Variants in ST6GAL1 observed in about 807,000 individuals in gnomAD.
ST6GAL1 encodes ST6 beta-galactoside alpha-2,6-sialyltransferase 1.
A neutral mutation model predicts 38.0 loss-of-function variants in ST6GAL1; 20 were observed. That is an observed-to-expected ratio of 0.53 (90% CI 0.37 to 0.77). The LOEUF (loss-of-function observed/expected upper bound fraction) is 0.77, where lower values mean the gene tolerates loss of function less well. ST6GAL1 is among the 30% of genes least tolerant of loss of function. The pLI is 0.00. For synonymous variants in ST6GAL1, 196 were observed against 188.2 expected (o/e 1.04, Z -0.34); for missense variants, 432 against 496.4 (o/e 0.87, Z 1.23).
chr3:187,025,987 AGGG>A (rs1717521223), intron 2 of ST6GAL1, among the ~76,000 whole-genome samples: 1 of 152,198 alleles, frequency 6.6e-6, no homozygotes. Flanking sequence ...CTTTATCTTC[AGGG>A]CTTTGCTCTG....
At chr3:186,940,387 A>G (rs1432871032) in intron 1 of ST6GAL1, among the ~76,000 whole-genome samples, 1 of 152,160 alleles carries the variant, frequency 6.6e-6, no homozygotes, top group Non-Finnish European at 1.5e-5. Flanking sequence ...TACTGTTTGC[A>G]GTTTGATGTC....
chr3:187,053,707 T>C (rs941345569), intron 5 of ST6GAL1, among the ~76,000 whole-genome samples: 2 of 152,174 alleles, frequency 1.3e-5, no homozygotes, highest in South Asian at 2.1e-4. Context: ...TGTAGCCTTA[T>C]AGTATAGTTT....
chr3:186,946,442 C>G (rs1020432375), intron 1 of ST6GAL1, among the ~76,000 whole-genome samples: 1 of 151,966 alleles, frequency 6.6e-6, no homozygotes, highest in African/African-American at 2.4e-5. Flanking sequence ...AGTGCAGTGG[C>G]GCGGTCACTG....
Position 187,003,309 on chromosome 3 carries a change from A to G in ST6GAL1, c.-182-35433A>G, listed in dbSNP as rs536624911. Among the ~76,000 whole-genome samples the G allele has an allele frequency of 8.3e-4, 127 of 152,314 alleles. 2 individuals carry two copies. The South Asian group carries it at 0.025, about 30-fold the overall frequency. ...GCCTTTAACCGATTGGATAAGGCCC[A>G]CCGTTAGAGAGGGGGCAATCTGCTG... On this transcript the variant is annotated intron_variant, in intron 2 of 7. Transcript: ENST00000169298.
At chr3:186,959,537 A>T (rs971987840) in intron 1 of ST6GAL1, among the ~76,000 whole-genome samples, 3 of 152,232 alleles carry the variant, frequency 2.0e-5, no homozygotes, top group African/African-American at 7.2e-5. Flanking sequence ...TGAAATTAAA[A>T]ATAAAGGAAC....
chr3:186,959,684 A>G (rs1714870527), intron 1 of ST6GAL1, among the ~76,000 whole-genome samples: 1 of 152,200 alleles, frequency 6.6e-6, no homozygotes, highest in African/African-American at 2.4e-5. Context: ...AAGTCTCCTT[A>G]TCTTAGCAGA....
intron 2 of ST6GAL1, among the ~76,000 whole-genome samples, chr3:186,989,665 A>G (rs1716084691): frequency 6.6e-6 from 1 of 152,222 alleles, no homozygotes; most frequent in Non-Finnish European, 1.5e-5. Context: ...ATGCAAAGCT[A>G]ATGATTAAAA....
intron 2 of ST6GAL1, among the ~76,000 whole-genome samples, chr3:187,032,665 G>A (rs1025188982): frequency 2.6e-5 from 4 of 152,206 alleles, no homozygotes; most frequent in African/African-American, 9.6e-5. Flanking sequence ...AAACACTCAT[G>A]CCACAAGGGA....
chr3:186,954,212 T>A (rs559400440), intron 1 of ST6GAL1, among the ~76,000 whole-genome samples: 1 of 152,374 alleles, frequency 6.6e-6, no homozygotes, highest in African/African-American at 2.4e-5. Flanking sequence ...GTACCACATT[T>A]TCTTTATCCA....
At chr3:187,067,250 C>T (rs2108600143) in intron 5 of ST6GAL1, among the ~76,000 whole-genome samples, 1 of 151,680 alleles carries the variant, frequency 6.6e-6, no homozygotes, top group East Asian at 1.9e-4. Context: ...CCACGCCTGG[C>T]TAATTTTTGT....
Position 187,075,963 on chromosome 3 carries a change from A to G in ST6GAL1, c.*160A>G, listed in dbSNP as rs1719547266. The G allele has an allele frequency of 1.8e-6, 2 of 1,139,016 alleles. No individual in the cohort carries two copies. Among genetic ancestry groups the G allele is most frequent in the South Asian group, 3.3e-5 (2 of 60,904 alleles). The allele number at this position is 1,139,016 out of a possible 1,614,324, so 70.6% of individuals were successfully genotyped here. On this transcript the variant is annotated 3_prime_UTR_variant, in exon 8 of 8. Transcript: ENST00000169298. This position sits in a 1 kb window ranked among gnomAD's most constrained non-coding sequence, Gnocchi z 4.1. ...GGGACTTCAAGAGCCTGTGGTCAGG[A>G]AATCAGGTCCAGCCTTCCCTGTAGC...
At chr3:187,067,447 T>A (rs2108600398) in intron 5 of ST6GAL1, among the ~76,000 whole-genome samples, 2 of 144,240 alleles carry the variant, frequency 1.4e-5, no homozygotes, top group East Asian at 4.1e-4. Flanking sequence ...ATATAGATGG[T>A]GTTAATGTGG....
intron 2 of ST6GAL1, among the ~76,000 whole-genome samples, chr3:186,996,380 G>A (rs1225188040): frequency 2.0e-5 from 3 of 152,210 alleles, no homozygotes; most frequent in African/African-American, 7.2e-5. Flanking sequence ...CTACATGATG[G>A]CATAGCTTTG....
chr3:187,036,181 G>A (rs900468943), intron 2 of ST6GAL1, among the ~76,000 whole-genome samples: 4 of 152,090 alleles, frequency 2.6e-5, no homozygotes, highest in South Asian at 4.1e-4. Flanking sequence ...TTAGAGAAAA[G>A]CAAACAAAAG....
At chr3:187,039,909 G>A (rs1199557346) in intron 3 of ST6GAL1, among the ~76,000 whole-genome samples, 1 of 152,214 alleles carries the variant, frequency 6.6e-6, no homozygotes, top group African/African-American at 2.4e-5. Flanking sequence ...AGCACAGGCT[G>A]TGAAGGCTGA....
Position 187,077,138 on chromosome 3 carries a change from C to T in ST6GAL1, c.*1335C>T, listed in dbSNP as rs1008885706. On this transcript the variant is annotated 3_prime_UTR_variant, in exon 8 of 8. Transcript: ENST00000169298. ...AACCTTGGAGATCAGAACTGATTCTCACCAGGTGTGAGAGGTGTGGTAGCA... is the reference window on the plus strand; with the variant it reads ...AACCTTGGAGATCAGAACTGATTCTTACCAGGTGTGAGAGGTGTGGTAGCA... 1 of 397,434 alleles carries T rather than the reference C, an allele frequency of 2.5e-6. No homozygotes were observed. Among genetic ancestry groups the T allele is most frequent in the Non-Finnish European group, 4.4e-6 (1 of 225,698 alleles). 24.6% of individuals were successfully genotyped at this position (397,434 alleles called of 1,614,324 possible).
intron 2 of ST6GAL1, among the ~76,000 whole-genome samples, chr3:187,032,032 G>T (rs895614568): frequency 1.3e-5 from 2 of 152,168 alleles, no homozygotes; most frequent in African/African-American, 4.8e-5. Flanking sequence ...GAGAGTTGAG[G>T]GTTCTGTTAT....
intron 4 of ST6GAL1, among the ~76,000 whole-genome samples, chr3:187,051,031 C>G (rs1442264848): frequency 6.6e-6 from 1 of 152,148 alleles, no homozygotes; most frequent in Non-Finnish European, 1.5e-5. Flanking sequence ...CAGTATGGCC[C>G]CCTTCAGCCC....
chr3:186,943,320 C>G (rs1024822254), intron 1 of ST6GAL1, among the ~76,000 whole-genome samples: 11 of 152,142 alleles, frequency 7.2e-5, no homozygotes, highest in Non-Finnish European at 1.5e-4. Flanking sequence ...GAAACACTAG[C>G]AGGTTGATAT....
Sources: gnomAD v4.1 joint callset for allele counts (sites outside exome capture counted in the v4.1 genomes callset) on GRCh38, gnomAD v4.1.1 for gene constraint, Gnocchi (gnomAD v3.1) non-coding constraint, MANE v1.5 for transcripts, NCBI Gene and HGNC (gene_info 2026-07-23, HGNC 2026-07-21) for gene names.